ST8SIA2: variants seen among roughly 807,000 people sequenced by gnomAD.
The protein encoded by ST8SIA2 is alpha-2,8-sialyltransferase 8B.
Under a neutral mutation model 37.6 loss-of-function variants are expected in ST8SIA2, and 22 were observed. The observed-to-expected ratio is 0.58, with a 90% CI of 0.42 to 0.83. The LOEUF (loss-of-function observed/expected upper bound fraction) is 0.83. Ranked by LOEUF, ST8SIA2 falls within the 40% of genes least tolerant of loss-of-function variation. ST8SIA2 has a pLI of 0.00. For missense variants in ST8SIA2, 382 were observed against 484.7 expected (o/e 0.79, Z 1.99); for synonymous variants, 205 against 201.2 (o/e 1.02, Z -0.16).
rs148082191 is a variant in ST8SIA2 at position 92,424,056 on chromosome 15, G to GA, written c.99-5986dup. On this transcript the variant is annotated intron_variant, in intron 1 of 5. Coordinates refer to ENST00000268164, the MANE Select transcript of ST8SIA2 (RefSeq NM_006011.4). ...CCTCAGTGGCTTTAATGTGCAAATT[G>GA]AAAAAAAGCATTCATTAGTCTCCCA... Among the ~76,000 whole-genome samples the GA allele has an allele frequency of 1.7e-3, 262 of 152,010 alleles. 2 individuals are homozygous for GA. The highest frequency in any genetic ancestry group is 5.9e-3 in the African/African-American group (245 of 41,488).
chr15:92,450,309 A>G (rs957693820), intron 5 of ST8SIA2, among the ~76,000 whole-genome samples: 6 of 152,268 alleles, frequency 3.9e-5, no homozygotes, highest in Non-Finnish European at 7.3e-5. Context: ...ACATTTCTCC[A>G]AAGAAAATAT....
chr15:92,459,004 A>G (rs2049939040), intron 5 of ST8SIA2, among the ~76,000 whole-genome samples: 1 of 152,122 alleles, frequency 6.6e-6, no homozygotes, highest in Non-Finnish European at 1.5e-5. Flanking sequence ...CACCACAGGG[A>G]TCAGTGGGGA....
At chr15:92,395,639 C>G (rs2049425441) in intron 1 of ST8SIA2, among the ~76,000 whole-genome samples, 1 of 152,228 alleles carries the variant, frequency 6.6e-6, no homozygotes, top group Non-Finnish European at 1.5e-5. Flanking sequence ...AAACATGCTA[C>G]TTTTCATAGC....
rs1596253187 is a variant in ST8SIA2 at position 92,464,299 on chromosome 15, A to G, written c.1042A>G (p.Met348Val). The G allele has an allele frequency of 6.2e-7, 1 of 1,613,978 alleles. No homozygotes were observed. The highest frequency in any genetic ancestry group is 8.5e-7 in the Non-Finnish European group (1 of 1,180,014). The change falls in exon 6 of 6, where the codon ATG (methionine) becomes GTG (valine). Residue 348 changes from methionine (M) to valine (V), a missense_variant. Physicochemically the swap from Met to Val is conservative, Grantham distance 21. Transcript: ENST00000268164. ...GYTSQASPHTMPLEFKALKSL... is the reference protein window; with the variant it reads ...GYTSQASPHTVPLEFKALKSL... Reference sequence around the variant, plus strand: ...CACCTCCCAGGCCAGCCCGCATACCATGCCCTTGGAGTTTAAGGCCCTCAA... The same window carrying G: ...CACCTCCCAGGCCAGCCCGCATACCGTGCCCTTGGAGTTTAAGGCCCTCAA...
intron 1 of ST8SIA2, among the ~76,000 whole-genome samples, chr15:92,413,327 A>G (rs1037674830): frequency 6.6e-6 from 1 of 152,190 alleles, no homozygotes; most frequent in African/African-American, 2.4e-5. Flanking sequence ...AGCTGTTGAT[A>G]TGTTTTCATT....
In ST8SIA2 at chr15:92,394,106, G is replaced by C. The variant is rs1293286702; in HGVS notation, c.42G>C (p.Thr14=). 2 of 1,559,204 alleles carry C rather than the reference G, an allele frequency of 1.3e-6. No homozygotes were observed. The highest frequency in any genetic ancestry group is 3.8e-5 in the Admixed American group (2 of 51,964). Residue 14 remains threonine (T), a synonymous_variant, in exon 1 of 6, where the codon ACG becomes ACC. Transcript: ENST00000268164. ...GGAGCTGGATGCTGGCCGCGCTCAC[G>C]CTGCTCGTGGTCTTCCTCATCTTCG... ...QFRSWMLAAL[T]LLVVFLIFAD... is the part of the protein sequence containing the mutation.
chr15:92,443,894 G>A (rs774302235), intron 4 of ST8SIA2, among the ~76,000 whole-genome samples: 31 of 152,054 alleles, frequency 2.0e-4, no homozygotes, highest in African/African-American at 7.0e-4. Context: ...CGAGGAACCC[G>A]GGAATCTATA....
chr15:92,401,852 C>G (rs967344055), intron 1 of ST8SIA2, among the ~76,000 whole-genome samples: 3 of 151,724 alleles, frequency 2.0e-5, no homozygotes, highest in African/African-American at 7.3e-5. Flanking sequence ...TGAAAGAACC[C>G]CTAGGTCAGT....
intron 4 of ST8SIA2, among the ~76,000 whole-genome samples, chr15:92,442,589 C>T (rs1296339480): frequency 6.6e-6 from 1 of 152,082 alleles, no homozygotes; most frequent in East Asian, 1.9e-4. Context: ...GCCCCAGGAC[C>T]CTCAGGAAGG....
chr15:92,409,494 T>G (rs2049533779), intron 1 of ST8SIA2, among the ~76,000 whole-genome samples: 1 of 150,048 alleles, frequency 6.7e-6, no homozygotes, highest in Non-Finnish European at 1.5e-5. Context: ...TTGTTCTGTC[T>G]GGACTAGGTG....
chr15:92,453,617 G>A (rs551803175), intron 5 of ST8SIA2, among the ~76,000 whole-genome samples: 1 of 152,314 alleles, frequency 6.6e-6, no homozygotes, highest in Admixed American at 6.5e-5. Flanking sequence ...CGATGGCCTT[G>A]CTTTTCTCTG....
At chr15:92,435,128 C>T (rs1023790632) in intron 3 of ST8SIA2, among the ~76,000 whole-genome samples, 5 of 152,162 alleles carry the variant, frequency 3.3e-5, no homozygotes, top group African/African-American at 1.2e-4. Context: ...GCTGGGGCCC[C>T]AGGAGTGCTA....
intron 4 of ST8SIA2, among the ~76,000 whole-genome samples, chr15:92,442,289 G>C (rs919505753): frequency 4.6e-5 from 7 of 152,126 alleles, no homozygotes; most frequent in African/African-American, 1.7e-4. Context: ...ACTGTGAGCC[G>C]AGTCCTATAC....
At chr15:92,400,268 T>C (rs1296100751) in intron 1 of ST8SIA2, among the ~76,000 whole-genome samples, 2 of 152,194 alleles carry the variant, frequency 1.3e-5, no homozygotes, top group African/African-American at 4.8e-5. Flanking sequence ...CAGCACCCCA[T>C]GGACATGCAT....
rs1277563162 is a variant in ST8SIA2, at chr15:92,464,101, T to C, written c.844T>C (p.Tyr282His). The change falls in exon 6 of 6, where the codon TAC becomes CAC. Residue 282 changes from tyrosine (Y) to histidine (H), a missense_variant and splice_region_variant. By Grantham distance (83) the Tyr-to-His change is moderately conservative. Coordinates refer to ENST00000268164, the MANE Select transcript of ST8SIA2 (RefSeq NM_006011.4). ...SLRLLHAVRG[Y>H]WLTNKVHIKR... ...TTTTTTTTTTTTTTTTTTTTCCAGA[T>C]ACTGGCTGACCAACAAAGTCCACAT... The C allele has an allele frequency of 9.3e-7, 1 of 1,079,484 alleles. No homozygotes were observed. The highest frequency in any genetic ancestry group is 1.3e-6 in the Non-Finnish European group (1 of 745,250). 66.9% of individuals were successfully genotyped at this position (1,079,484 alleles called of 1,614,324 possible).
At chr15:92,422,146 A>T (rs2049639453) in intron 1 of ST8SIA2, 1 of 152,226 alleles carries the variant, frequency 6.6e-6, no homozygotes, top group Non-Finnish European at 1.5e-5. Flanking sequence ...TATCCTAGAG[A>T]ATACAGAACA....
chr15:92,458,130 CT>C (rs1305852928), intron 5 of ST8SIA2, among the ~76,000 whole-genome samples: 4 of 152,278 alleles, frequency 2.6e-5, no homozygotes, highest in Non-Finnish European at 1.5e-5. Context: ...GACTCCAGCA[CT>C]TTAGCACAAC....
chr15:92,396,471 T>G (rs564569725), intron 1 of ST8SIA2, among the ~76,000 whole-genome samples: 62 of 108,920 alleles, frequency 5.7e-4, no homozygotes, highest in East Asian at 5.5e-3. Context: ...TTTGTTTTTG[T>G]TTTTTTTTTT....
At chr15:92,412,825 T>A (rs113289676) in intron 1 of ST8SIA2, among the ~76,000 whole-genome samples, 19,498 of 152,104 alleles carry the variant, frequency 0.13, 3,835 homozygotes, top group African/African-American at 0.43. Context: ...ACCCAGCTAA[T>A]TTTTTGTATT....
Sources: gnomAD v4.1 joint callset for allele counts (sites outside exome capture counted in the v4.1 genomes callset) on GRCh38, gnomAD v4.1.1 for gene constraint, MANE v1.5 for transcripts, NCBI Gene and HGNC (gene_info 2026-07-23, HGNC 2026-07-21) for gene names.